The following IQCN variants were observed in gnomAD, a reference collection of about 807,000 sequenced individuals.
IQCN encodes the protein IQ motif containing N.
In IQCN, 46 loss-of-function variants were observed where a neutral mutation model predicts 64.4. The observed-to-expected ratio is 0.71, with a 90% CI of 0.56 to 0.91. IQCN has a LOEUF of 0.91. IQCN is among the 40% of genes least tolerant of loss of function. The pLI is 0.00. For synonymous variants in IQCN, 733 were observed against 775.6 expected (o/e 0.95, Z 0.91); for missense variants, 1,753 against 1,857.4 (o/e 0.94, Z 1.03).
At position 18,264,356 on chromosome 19, in the gene IQCN, C is replaced by G. The variant is rs925542708; in HGVS notation, c.3177+7G>C. 1 of 1,464,506 alleles carries G rather than the reference C, an allele frequency of 6.8e-7. No individual in the cohort carries two copies. Among genetic ancestry groups the G allele is most frequent in the African/African-American group, 1.4e-5 (1 of 70,580 alleles). The allele number at this position is 1,464,506 out of a possible 1,614,324, so 90.7% of individuals were successfully genotyped here. ...CAACCCCAGATCCCAACCTGGGAAT[C>G]CCTGACCTTGCTGGTCTGTGGTCTC... On this transcript the variant is annotated splice_region_variant and intron_variant, in intron 3 of 3. Transcript: ENST00000392413. This position sits in a 1 kb window ranked among gnomAD's most constrained non-coding sequence, Gnocchi z 4.3.
chr19:18,272,209 C>A (rs1284008299), intron 1 of IQCN, among the ~76,000 whole-genome samples: 1 of 150,652 alleles, frequency 6.6e-6, no homozygotes, highest in Non-Finnish European at 1.5e-5. Flanking sequence ...TTCACTGCAA[C>A]CTCTACCTCT....
Position 18,265,584 on chromosome 19 carries a change from G to A in IQCN, c.1956C>T (p.Asp652=), listed in dbSNP as rs1969546789. Reference sequence around the variant, plus strand: ...GTCCCCGGGGCAGGGTGACAGCCATGTCTACAGGCACATACACGTGAGGTG... The same window carrying A: ...GTCCCCGGGGCAGGGTGACAGCCATATCTACAGGCACATACACGTGAGGTG... ...DKPPHVYVPV[D]MAVTLPRGQL... The change falls in exon 3 of 4, where the codon GAC becomes GAT. Residue 652 remains aspartate, a synonymous_variant. Transcript: ENST00000392413. The surrounding 1 kb of genome is among the most constrained non-coding windows in gnomAD (Gnocchi z 4.7). 6.2e-7 allele frequency: 1 copy of A among 1,612,844 alleles called. No homozygotes were observed. Among genetic ancestry groups the A allele is most frequent in the Non-Finnish European group, 8.5e-7 (1 of 1,179,170 alleles).
At chr19:18,273,017 C>T (rs190862920) in intron 1 of IQCN, among the ~76,000 whole-genome samples, 3 of 152,252 alleles carry the variant, frequency 2.0e-5, no homozygotes, top group African/African-American at 4.8e-5. Context: ...ATAATTGACA[C>T]ACATATATTT....
chr19:18,267,189 A>G lies in IQCN; in HGVS notation c.351T>C (p.Tyr117=), dbSNP rs759666619. The change falls in exon 3 of 4, where the codon TAT becomes TAC. Residue 117 remains tyrosine, a synonymous_variant. Coordinates refer to ENST00000392413, the MANE Select transcript of IQCN (RefSeq NM_001145304.2). Reference sequence around the variant, plus strand: ...GGGAAATCAGCTTCTGCCGGAGCCAATAGCCCCTCCAGTTGGCTTGGATGA... The same window carrying G: ...GGGAAATCAGCTTCTGCCGGAGCCAGTAGCCCCTCCAGTTGGCTTGGATGA... The part of the protein sequence containing the change: ...ATLIQANWRG[Y]WLRQKLISQM... 106 of 1,614,164 alleles carry G rather than the reference A, an allele frequency of 6.6e-5. No homozygotes were observed. Among genetic ancestry groups the G allele is most frequent in the East Asian group, 1.8e-4 (8 of 44,900 alleles).
Position 18,264,797 on chromosome 19 carries a change from G to A in IQCN, c.2743C>T (p.Leu915=). ...GEVWAALNQA[L]SKEVLGATVT... ...GTGGCACCCAGGACCTCCTTGGACA[G>A]GGCCTGGTTCAGAGCTGCCCAGACT... Residue 915 remains leucine, a synonymous_variant, in exon 3 of 4, where the codon CTG becomes TTG. Transcript: ENST00000392413. This position sits in a 1 kb window ranked among gnomAD's most constrained non-coding sequence, Gnocchi z 4.3. 6.4e-7 allele frequency: 1 copy of A among 1,553,148 alleles called. No individual in the cohort carries two copies. Among genetic ancestry groups the A allele is most frequent in the Non-Finnish European group, 8.7e-7 (1 of 1,147,922 alleles).
At chr19:18,260,783 T>C (rs1332185560) in intron 3 of IQCN, 2 of 152,868 alleles carry the variant, frequency 1.3e-5, no homozygotes, top group African/African-American at 4.8e-5. Context: ...ATGGGTGGGC[T>C]AGGCTTGGGG....
Position 18,265,462 on chromosome 19 carries a change from T to C in IQCN, c.2078A>G (p.Gln693Arg). The C allele has an allele frequency of 1.2e-6, 2 of 1,613,654 alleles. No homozygotes were observed. The highest frequency in any genetic ancestry group is 1.1e-5 in the South Asian group (1 of 91,072). ...GGTCAGCTCAGTGGGCAGATGTCCC[T>C]GAGATGAGGCCTTGGTCAGCGGGGC... ...LAAPLTKASS[Q>R]GHLPTELTKT... The change falls in exon 3 of 4, where the codon CAG (glutamine) becomes CGG (arginine). Residue 693 changes from glutamine (Q) to arginine (R), a missense_variant. Coordinates refer to ENST00000392413, the MANE Select transcript of IQCN (RefSeq NM_001145304.2). This position sits in a 1 kb window ranked among gnomAD's most constrained non-coding sequence, Gnocchi z 4.7.
At chr19:18,271,912 C>A (rs570429254) in intron 1 of IQCN, among the ~76,000 whole-genome samples, 2 of 152,036 alleles carry the variant, frequency 1.3e-5, no homozygotes, top group African/African-American at 4.8e-5. Flanking sequence ...TGGGTTCAAG[C>A]GATTCTCCTG....
Position 18,269,530 on chromosome 19 carries a change from C to T in IQCN, c.-52G>A, listed in dbSNP as rs1280129179. ...AGGTGCAATCTCAGAAGCCAGCCTGCAAGAGGAGGCAGCCTTCAGCCTTTC... is the reference window on the plus strand; with the variant it reads ...AGGTGCAATCTCAGAAGCCAGCCTGTAAGAGGAGGCAGCCTTCAGCCTTTC... On this transcript the variant is annotated 5_prime_UTR_variant, in exon 2 of 4. Transcript: ENST00000392413. 6 of 1,603,912 alleles carry T rather than the reference C, an allele frequency of 3.7e-6. No individual in the cohort carries two copies. Among genetic ancestry groups the T allele is most frequent in the South Asian group, 1.1e-5 (1 of 90,686 alleles).
intron 3 of IQCN, 23 bp from the exon 4 acceptor site, chr19:18,258,129 G>A (rs776294677): frequency 3.7e-6 from 6 of 1,603,892 alleles, no homozygotes; most frequent in Non-Finnish European, 8.5e-7. Flanking sequence ...GGAGTTCAGG[G>A]ATGCCTTGTG....
rs999813 is a variant in IQCN at position 18,258,000 on chromosome 19, G to T, written c.3284C>A (p.Pro1095His). 758,521 of 1,612,446 alleles carry T rather than the reference G, an allele frequency of 0.47. 181,959 individuals carry two copies. The highest frequency in any genetic ancestry group is 0.68 in the African/African-American group (50,926 of 74,948). The change falls in exon 4 of 4, where the codon CCT becomes CAT. Residue 1095 changes from proline to histidine, a missense_variant. Pro to His is a moderately conservative substitution (Grantham distance 77). Transcript: ENST00000392413. ...WDTWRNKAVV[P>H]PRRSGEPMVS... is the part of the protein sequence containing the mutation. ...CATTGGCTCCCCGGACCGCCTGGGAGGCACCACCGCCTTGTTGCGCCAGGT... is the reference window on the plus strand; with the variant it reads ...CATTGGCTCCCCGGACCGCCTGGGATGCACCACCGCCTTGTTGCGCCAGGT...
At chr19:18,269,836 T>C (rs765462957) in intron 1 of IQCN, among the ~76,000 whole-genome samples, 1 of 152,050 alleles carries the variant, frequency 6.6e-6, no homozygotes, top group African/African-American at 2.4e-5. Context: ...CTGTATTGTT[T>C]AGCAGAGGAA....
At chr19:18,268,455 GAT>G (rs1284017352) in intron 2 of IQCN, among the ~76,000 whole-genome samples, 1 of 152,016 alleles carries the variant, frequency 6.6e-6, no homozygotes, top group Non-Finnish European at 1.5e-5. Context: ...TGAATCAGTC[GAT>G]GAGTGAATGG....
At chr19:18,258,420 A>G (rs1407070403) in intron 3 of IQCN, 2 of 605,972 alleles carry the variant, frequency 3.3e-6, no homozygotes. Context: ...AACCCTGGCC[A>G]CAGAACTTTC....
chr19:18,266,198 GC>G lies in IQCN; in HGVS notation c.1341del (p.Pro448LeufsTer41). ...IMKSLPQVCP[G>X]PAMAKTPPQM... ...TGGGGTGGGGTCTTTGCCATCGCAG[GC>G]CCCGGGCATACCTGGGGCAGGCTCT... On this transcript the variant is annotated frameshift_variant, in exon 3 of 4. Coordinates refer to ENST00000392413, the MANE Select transcript of IQCN (RefSeq NM_001145304.2). LOFTEE classifies it high-confidence loss of function. The surrounding 1 kb of genome is among the most constrained non-coding windows in gnomAD (Gnocchi z 4.3). 1 of 1,613,962 alleles carries G rather than the reference GC, an allele frequency of 6.2e-7. No individual in the cohort carries two copies. Among genetic ancestry groups the G allele is most frequent in the Admixed American group, 1.7e-5 (1 of 59,994 alleles).
At chr19:18,258,917 G>A (rs1462688738) in intron 3 of IQCN, 1 of 169,222 alleles carries the variant, frequency 5.9e-6, no homozygotes, top group African/African-American at 2.4e-5. Context: ...CTCAGACAGG[G>A]ACCTATGATC....
intron 2 of IQCN, 114 bp downstream of exon 2, chr19:18,269,352 G>C: frequency 1.9e-6 from 2 of 1,027,916 alleles, no homozygotes; most frequent in South Asian, 1.3e-5. Flanking sequence ...AGAGAGCTGG[G>C]ACACTGTCAA....
rs151152365 is a variant in IQCN at position 18,265,819 on chromosome 19, T to C, written c.1721A>G (p.Tyr574Cys). The C allele has an allele frequency of 1.2e-3, 1,949 of 1,613,892 alleles. 1 individual carries two copies. Among genetic ancestry groups the C allele is most frequent in the Non-Finnish European group, 1.5e-3 (1,780 of 1,179,994 alleles). The change falls in exon 3 of 4, where the codon TAT becomes TGT. Residue 574 changes from tyrosine (Y) to cysteine (C), a missense_variant. Transcript: ENST00000392413. The surrounding 1 kb of genome is among the most constrained non-coding windows in gnomAD (Gnocchi z 4.7). ...GCACCTGATCTTCCCCTCAGCCAAATAGGAGGGGGATGAGGCTTTCACCAC... is the reference window on the plus strand; with the variant it reads ...GCACCTGATCTTCCCCTCAGCCAAACAGGAGGGGGATGAGGCTTTCACCAC... ...AKVVKASSPSYLAEGKIRCLA... is the reference protein window; with the variant it reads ...AKVVKASSPSCLAEGKIRCLA...
At position 18,257,634 on chromosome 19, in the gene IQCN, T is replaced by C. The variant is rs1969327030; in HGVS notation, c.3650A>G (p.Asp1217Gly). 1 of 1,612,348 alleles carries C rather than the reference T, an allele frequency of 6.2e-7. No homozygotes were observed. The highest frequency in any genetic ancestry group is 8.5e-7 in the Non-Finnish European group (1 of 1,179,788). ...CTGGCAGGACTGGAAGCAGCGATGG[T>C]CAGATACTGTCCTGGCTCTGCCATC... Reference protein sequence around the residue: ...FQDGRARTVSDHRCFQSCQAH... With the variant: ...FQDGRARTVSGHRCFQSCQAH... The change falls in exon 4 of 4, where the codon GAC becomes GGC. Residue 1217 changes from aspartate (D) to glycine (G), a missense_variant. Asp to Gly is a moderately conservative substitution (Grantham distance 94). Coordinates refer to ENST00000392413, the MANE Select transcript of IQCN (RefSeq NM_001145304.2).
Sources: allele counts gnomAD v4.1 joint callset (sites outside exome capture counted in the v4.1 genomes callset), GRCh38; gene constraint gnomAD v4.1.1; non-coding constraint Gnocchi (gnomAD v3.1); transcripts MANE v1.5; gene names NCBI Gene and HGNC (gene_info 2026-07-23, HGNC 2026-07-21).